C19orf81: variants seen among roughly 807,000 people sequenced by gnomAD.
The protein encoded by C19orf81 is putative uncharacterized protein C19orf81.
A neutral mutation model predicts 22.1 loss-of-function variants in C19orf81; 19 were observed. The observed-to-expected ratio is 0.86, with a 90% CI of 0.60 to 1.26. The LOEUF (loss-of-function observed/expected upper bound fraction) is 1.26, where lower values mean the gene tolerates loss of function less well. Among genes scored for constraint, C19orf81 ranks in the 50% most tolerant of loss-of-function variants. The probability of loss-of-function intolerance (pLI) is 0.00; values close to 1 mark genes in which losing one functional copy is unlikely to be tolerated. For missense variants in C19orf81, 287 were observed against 280.7 expected (o/e 1.02, Z -0.16); for synonymous variants, 108 against 113.1 (o/e 0.95, Z 0.29).
At chr19:50,653,667 T>C (rs371759451) in intron 1 of C19orf81, among the ~76,000 whole-genome samples, 1 of 148,454 alleles carries the variant, frequency 6.7e-6, no homozygotes, top group East Asian at 2.0e-4. Context: ...TGTTGACTTA[T>C]TGTAATGAGA....
intron 1 of C19orf81, 101 bp downstream of exon 1, chr19:50,649,612 T>A: frequency 7.7e-7 from 1 of 1,297,162 alleles, no homozygotes; most frequent in Non-Finnish European, 1.1e-6. Context: ...TCACTGGCAC[T>A]CCAAAGTGAA....
chr19:50,654,254 CCT>C (rs1410520095), intron 1 of C19orf81, among the ~76,000 whole-genome samples: 2 of 152,066 alleles, frequency 1.3e-5, no homozygotes, highest in African/African-American at 2.4e-5. Flanking sequence ...TTGCTCCTTT[CCT>C]CTCTTTCTCC....
In C19orf81 at chr19:50,658,038, A is replaced by G. The variant is rs1985035179; in HGVS notation, c.311A>G (p.Gln104Arg). 2.6e-6 allele frequency: 4 copies of G among 1,535,794 alleles called. No homozygotes were observed. Among genetic ancestry groups the G allele is most frequent in the African/African-American group, 2.7e-5 (2 of 73,026 alleles). The change falls in exon 4 of 5, where the codon CAG becomes CGG. Residue 104 changes from glutamine to arginine, a missense_variant. Physicochemically the swap from Gln to Arg is conservative, Grantham distance 43. Coordinates refer to ENST00000425202, the MANE Select transcript of C19orf81 (RefSeq NM_001195076.2). ...GAGGTGCTGCAAGCCCTGGAGGCCCAGTTACCAGGGGCCATGGAGAGCGGG... is the reference window on the plus strand; with the variant it reads ...GAGGTGCTGCAAGCCCTGGAGGCCCGGTTACCAGGGGCCATGGAGAGCGGG... ...HLEVLQALEA[Q>R]LPGAMESGRV...
chr19:50,649,686 T>C, intron 1 of C19orf81, 175 bp downstream of exon 1: 1 of 743,260 alleles, frequency 1.3e-6, no homozygotes, highest in Non-Finnish European at 2.3e-6. Flanking sequence ...GACCTCAAAC[T>C]ACATTTCCCA....
At chr19:50,653,480 T>C (rs1984920931) in intron 1 of C19orf81, among the ~76,000 whole-genome samples, 1 of 151,932 alleles carries the variant, frequency 6.6e-6, no homozygotes, top group Non-Finnish European at 1.5e-5. Flanking sequence ...AAGAAAATAA[T>C]GAGGGTAGGT....
At chr19:50,652,476 C>A (rs113909828) in intron 1 of C19orf81, among the ~76,000 whole-genome samples, 1 of 152,004 alleles carries the variant, frequency 6.6e-6, no homozygotes, top group African/African-American at 2.4e-5. Context: ...ATCAGTGGAC[C>A]CTCAGGGAGA....
intron 1 of C19orf81, among the ~76,000 whole-genome samples, chr19:50,655,074 C>T (rs1050528430): frequency 2.0e-5 from 3 of 152,234 alleles, no homozygotes; most frequent in Non-Finnish European, 4.4e-5. Flanking sequence ...TCCAAAGTTA[C>T]ACCTCTCACT....
At position 50,657,379 on chromosome 19, in the gene C19orf81, C is replaced by T. The variant is rs180981530; in HGVS notation, c.262-610C>T. ...AAGTGACATCATTTTTCAGTGAAAT[C>T]GTGAAAATTTTCATTTCATTTTAGT... On this transcript the variant is annotated intron_variant, in intron 3 of 4. Transcript: ENST00000425202. Among the ~76,000 whole-genome samples, 7 of 152,288 alleles carry T rather than the reference C, an allele frequency of 4.6e-5. No individual in the cohort carries two copies. The East Asian group carries it at 5.8e-4, about 13-fold the overall frequency.
At chr19:50,649,860 C>T in intron 1 of C19orf81, 1 of 477,832 alleles carries the variant, frequency 2.1e-6, no homozygotes. Context: ...TGCTCTCCTC[C>T]TTCCTGGTTT....
At chr19:50,652,777 A>T (rs987065018) in intron 1 of C19orf81, among the ~76,000 whole-genome samples, 1 of 152,138 alleles carries the variant, frequency 6.6e-6, no homozygotes, top group African/African-American at 2.4e-5. Flanking sequence ...ACATGTCAAA[A>T]TCCTGCCTTG....
chr19:50,658,034 G>A lies in C19orf81; in HGVS notation c.307G>A (p.Ala103Thr). The A allele has an allele frequency of 6.5e-7, 1 of 1,535,906 alleles. No homozygotes were observed. Among genetic ancestry groups the A allele is most frequent in the Non-Finnish European group, 8.7e-7 (1 of 1,146,806 alleles). ...CCTGGAGGTGCTGCAAGCCCTGGAG[G>A]CCCAGTTACCAGGGGCCATGGAGAG... The part of the protein sequence containing the change: ...THLEVLQALE[A>T]QLPGAMESGR... The change falls in exon 4 of 5, where the codon GCC becomes ACC. Residue 103 changes from alanine to threonine, a missense_variant. Physicochemically the swap from Ala to Thr is moderately conservative, Grantham distance 58. Coordinates refer to ENST00000425202, the MANE Select transcript of C19orf81 (RefSeq NM_001195076.2).
intron 1 of C19orf81, among the ~76,000 whole-genome samples, chr19:50,650,103 G>T (rs559185370): frequency 6.6e-6 from 1 of 152,024 alleles, no homozygotes; most frequent in South Asian, 2.1e-4. Flanking sequence ...TCCCTCCATG[G>T]CTCCAGAGAG....
intron 4 of C19orf81, 120 bp downstream of exon 4, chr19:50,658,248 A>C: frequency 9.3e-7 from 1 of 1,072,136 alleles, no homozygotes; most frequent in Non-Finnish European, 1.3e-6. Flanking sequence ...GAAAGCATGA[A>C]TGGGCGGGGC....
intron 3 of C19orf81, among the ~76,000 whole-genome samples, chr19:50,656,933 C>G (rs1212751792): frequency 1.0e-4 from 13 of 129,106 alleles, no homozygotes; most frequent in African/African-American, 3.6e-4. Flanking sequence ...GCCTGGGTGA[C>G]AAAGTGAGAC....
At position 50,658,332 on chromosome 19, in the gene C19orf81, C is replaced by A. The variant is rs1013501560; in HGVS notation, c.401+204C>A. 2.5e-5 allele frequency among the ~76,000 whole-genome samples: 3 copies of A among 120,924 alleles called. No homozygotes were observed. In the Admixed American group the frequency reaches 2.8e-4, roughly 11 times the overall value. The allele number at this position is 120,924 out of a possible 152,430, so 79.3% of individuals were successfully genotyped here. A position where few individuals can be genotyped will look rare whatever the true frequency, so the allele number is the denominator to read the frequency against. On this transcript the variant is annotated intron_variant, in intron 4 of 4. Transcript: ENST00000425202. Reference sequence around the variant, plus strand: ...GGGCCCCGGAGCCACTAGATAAGAGCGTGGTTGGTGTAAGGGTGTTGTGAG... The same window carrying A: ...GGGCCCCGGAGCCACTAGATAAGAGAGTGGTTGGTGTAAGGGTGTTGTGAG...
intron 3 of C19orf81, among the ~76,000 whole-genome samples, chr19:50,656,901 G>A (rs551028620): frequency 2.1e-4 from 31 of 150,996 alleles, no homozygotes; most frequent in Non-Finnish European, 3.8e-4. Flanking sequence ...GCAGTGAGCC[G>A]AGATCGTGCC....
intron 1 of C19orf81, among the ~76,000 whole-genome samples, chr19:50,651,033 C>G (rs1035543190): frequency 1.4e-4 from 21 of 152,200 alleles, no homozygotes; most frequent in African/African-American, 5.1e-4. Flanking sequence ...TGGAACCAAT[C>G]ACATTTTTTA....
chr19:50,658,266 G>C, intron 4 of C19orf81, 138 bp downstream of exon 4: 1 of 934,566 alleles, frequency 1.1e-6, no homozygotes, highest in South Asian at 1.7e-5. Context: ...GGCCCGGGGC[G>C]ACTAGATAAG....
chr19:50,649,609 C>T, intron 1 of C19orf81, 98 bp downstream of exon 1: 3 of 1,305,808 alleles, frequency 2.3e-6, no homozygotes, highest in Non-Finnish European at 2.1e-6. Flanking sequence ...GAGTCACTGG[C>T]ACTCCAAAGT....
Sources: allele counts gnomAD v4.1 joint callset (sites outside exome capture counted in the v4.1 genomes callset), GRCh38; gene constraint gnomAD v4.1.1; transcripts MANE v1.5; gene names NCBI Gene and HGNC (gene_info 2026-07-23, HGNC 2026-07-21).